Variants in SKAP1 observed in about 807,000 individuals in gnomAD.
The protein encoded by SKAP1 is src kinase-associated phosphoprotein 1.
Under a neutral mutation model 58.5 loss-of-function variants are expected in SKAP1, and 44 were observed. The observed-to-expected ratio is 0.75, with a 90% CI of 0.59 to 0.97. The LOEUF (loss-of-function observed/expected upper bound fraction) is 0.97. SKAP1 is among the 50% of genes least tolerant of loss of function. The pLI, the probability that SKAP1 is intolerant of heterozygous loss-of-function variation, is 0.00. For synonymous variants in SKAP1, 127 were observed against 149.7 expected (o/e 0.85, Z 1.11); for missense variants, 390 against 435.2 (o/e 0.90, Z 0.92).
At chr17:48,269,712 T>C (rs1283015822) in intron 4 of SKAP1, among the ~76,000 whole-genome samples, 1 of 152,198 alleles carries the variant, frequency 6.6e-6, no homozygotes, top group Non-Finnish European at 1.5e-5. Flanking sequence ...CTAGCTGTGA[T>C]AAGCTGCACT....
intron 4 of SKAP1, among the ~76,000 whole-genome samples, chr17:48,272,315 A>G (rs2065643979): frequency 6.6e-6 from 1 of 151,912 alleles, no homozygotes; most frequent in Non-Finnish European, 1.5e-5. Context: ...TATTTTAAAT[A>G]GAGACGGGGT....
chr17:48,394,806 A>G (rs1157508918), intron 2 of SKAP1, among the ~76,000 whole-genome samples: 1 of 152,240 alleles, frequency 6.6e-6, no homozygotes, highest in Non-Finnish European at 1.5e-5. Flanking sequence ...AACAAGGGTT[A>G]CATTAACAGA....
chr17:48,331,519 G>A (rs1459482691), intron 4 of SKAP1, among the ~76,000 whole-genome samples: 2 of 151,894 alleles, frequency 1.3e-5, no homozygotes, highest in South Asian at 4.1e-4. Context: ...GACCAACATG[G>A]AGATATCCCG....
At chr17:48,250,835 A>G (rs1325888528) in intron 4 of SKAP1, among the ~76,000 whole-genome samples, 2 of 152,202 alleles carry the variant, frequency 1.3e-5, no homozygotes, top group Admixed American at 6.5e-5. Context: ...AAAGCAAGCA[A>G]AGTCCTGAGG....
chr17:48,373,727 T>C (rs1445294090), intron 2 of SKAP1, among the ~76,000 whole-genome samples: 1 of 152,172 alleles, frequency 6.6e-6, no homozygotes, highest in Non-Finnish European at 1.5e-5. Context: ...GAAGAGTCTA[T>C]AGACCTCATT....
At chr17:48,312,007 T>C (rs1405831845) in intron 4 of SKAP1, among the ~76,000 whole-genome samples, 1 of 152,212 alleles carries the variant, frequency 6.6e-6, no homozygotes, top group Non-Finnish European at 1.5e-5. Flanking sequence ...TCTACAAAAA[T>C]CTTTCTAAGG....
intron 2 of SKAP1, among the ~76,000 whole-genome samples, chr17:48,381,011 T>C (rs2067207630): frequency 6.6e-6 from 1 of 152,198 alleles, no homozygotes; most frequent in African/African-American, 2.4e-5. Context: ...GTATACAAAT[T>C]ATACCCAATG....
intron 4 of SKAP1, chr17:48,203,824 G>A (rs955849737): frequency 6.6e-6 from 1 of 152,218 alleles, no homozygotes; most frequent in Non-Finnish European, 1.5e-5. Context: ...TTGCCTGGGT[G>A]TTACAAAGCA....
At chr17:48,236,166 C>T (rs974987631) in intron 4 of SKAP1, among the ~76,000 whole-genome samples, 8 of 152,106 alleles carry the variant, frequency 5.3e-5, no homozygotes, top group African/African-American at 7.2e-5. Flanking sequence ...AAATGCTTTC[C>T]GATATTCCTT....
At chr17:48,179,504 G>T (rs1014916856) in intron 9 of SKAP1, among the ~76,000 whole-genome samples, 3 of 152,172 alleles carry the variant, frequency 2.0e-5, no homozygotes, top group African/African-American at 7.2e-5. Context: ...GATAAAACAT[G>T]TTAGGGTTAT....
intron 3 of SKAP1, among the ~76,000 whole-genome samples, chr17:48,349,889 T>G (rs1022168851): frequency 1.1e-4 from 17 of 152,236 alleles, no homozygotes; most frequent in Non-Finnish European, 2.1e-4. Flanking sequence ...TAACAGTTAA[T>G]GAGTTTTCCC....
At chr17:48,140,556 C>T (rs2063755366) in intron 11 of SKAP1, among the ~76,000 whole-genome samples, 1 of 152,076 alleles carries the variant, frequency 6.6e-6, no homozygotes, top group Admixed American at 6.6e-5. Flanking sequence ...TGTACTGGAC[C>T]CCAATAGCCA....
intron 4 of SKAP1, among the ~76,000 whole-genome samples, chr17:48,333,626 CTT>C (rs1275722488): frequency 6.6e-6 from 1 of 151,944 alleles, no homozygotes; most frequent in Non-Finnish European, 1.5e-5. Flanking sequence ...TATATTGCCT[CTT>C]AACACTGAAT....
chr17:48,185,356 C>G (rs886147010), intron 6 of SKAP1, among the ~76,000 whole-genome samples: 2 of 152,006 alleles, frequency 1.3e-5, no homozygotes, highest in African/African-American at 4.8e-5. Context: ...GGAATTTATG[C>G]CAGAGGGAGA....
chr17:48,413,476 T>C (rs763303783), intron 1 of SKAP1, among the ~76,000 whole-genome samples: 9 of 136,544 alleles, frequency 6.6e-5, no homozygotes, highest in Non-Finnish European at 1.1e-4. Context: ...ATCGTGCCAT[T>C]GCACTCCAGC....
chr17:48,391,964 G>C (rs1216724935), intron 2 of SKAP1, among the ~76,000 whole-genome samples: 1 of 151,772 alleles, frequency 6.6e-6, no homozygotes, highest in Non-Finnish European at 1.5e-5. Context: ...GTTTTGTTTT[G>C]GGGATTTTTA....
intron 4 of SKAP1, among the ~76,000 whole-genome samples, chr17:48,344,693 T>C (rs1437385686): frequency 6.6e-6 from 1 of 152,206 alleles, no homozygotes; most frequent in Non-Finnish European, 1.5e-5. Context: ...AATACACAGA[T>C]CCTATATTAC....
chr17:48,198,078 A>T (rs1251044357), intron 4 of SKAP1, among the ~76,000 whole-genome samples: 3 of 152,212 alleles, frequency 2.0e-5, no homozygotes, highest in Non-Finnish European at 4.4e-5. Flanking sequence ...TAACTGTAAT[A>T]ATCCATTGCT....
intron 11 of SKAP1, among the ~76,000 whole-genome samples, chr17:48,141,336 G>A (rs1436719464): frequency 6.6e-6 from 1 of 151,694 alleles, no homozygotes; most frequent in Non-Finnish European, 1.5e-5. Flanking sequence ...GCTCTGCTTG[G>A]AAACTTTCGG....
Sources: allele counts gnomAD v4.1 joint callset (sites outside exome capture counted in the v4.1 genomes callset), GRCh38; gene constraint gnomAD v4.1.1; transcripts MANE v1.5; gene names NCBI Gene and HGNC (gene_info 2026-07-23, HGNC 2026-07-21).